The following CRYBG1 variants were observed in gnomAD, a reference collection of about 807,000 sequenced individuals.
CRYBG1 encodes crystallin beta-gamma domain containing 1.
A neutral mutation model predicts 189.2 loss-of-function variants in CRYBG1; 139 were observed. The ratio of observed to expected loss-of-function variants is 0.73; its 90% confidence interval spans 0.64 to 0.85. The LOEUF is 0.85. Among genes scored for constraint, CRYBG1 ranks in the 40% least tolerant of loss-of-function variants. The probability of loss-of-function intolerance (pLI) is 0.00; values close to 1 mark genes in which losing one functional copy is unlikely to be tolerated. For missense variants in CRYBG1, 2,611 were observed against 2,675.8 expected (o/e 0.98, Z 0.53); for synonymous variants, 1,023 against 1,017.1 (o/e 1.01, Z -0.11).
chr6:106,479,644 T>A (rs530052025), intron 2 of CRYBG1, among the ~76,000 whole-genome samples: 1 of 152,254 alleles, frequency 6.6e-6, no homozygotes, highest in Non-Finnish European at 1.5e-5. Flanking sequence ...TATCTCATTG[T>A]GGTTTTGATT....
intron 1 of CRYBG1, among the ~76,000 whole-genome samples, chr6:106,432,342 A>C (rs1771341316): frequency 6.6e-6 from 1 of 152,234 alleles, no homozygotes; most frequent in Non-Finnish European, 1.5e-5. Context: ...CAATACAATA[A>C]GATTATATAG....
intron 6 of CRYBG1, 52 bp downstream of exon 6, chr6:106,525,438 T>C (rs710096): frequency 0.085 from 121,509 of 1,427,356 alleles, 7,674 homozygotes; most frequent in African/African-American, 0.31. Context: ...TTTTACATAC[T>C]TAATTAACTT....
Position 106,519,074 on chromosome 6 carries a change from T to C in CRYBG1, c.1923-57T>C, listed in dbSNP as rs1394208173. The C allele has an allele frequency of 3.9e-6, 6 of 1,524,018 alleles. No individual in the cohort carries two copies. In the African/African-American group the frequency reaches 8.3e-5, roughly 21 times the overall value. 94.4% of individuals were successfully genotyped at this position (1,524,018 alleles called of 1,614,324 possible). On this transcript the variant is annotated intron_variant, in intron 3 of 21. Transcript: ENST00000633556. ...CATAGTTTTATAATTAATTGGTTTG[T>C]GTGTTCACTTTTTAAAACTAGGTCA...
Position 106,470,567 on chromosome 6 carries a change from A to C in CRYBG1, c.312+18735A>C, listed in dbSNP as rs143089868. ...AGCCTGGGTGACAGAGCAAGGCTTC[A>C]TCTCAAAAAAAAAATTATATATATA... On this transcript the variant is annotated intron_variant, in intron 2 of 21. Transcript: ENST00000633556. Among the ~76,000 whole-genome samples, 8 of 152,158 alleles carry C rather than the reference A, an allele frequency of 5.3e-5. No homozygotes were observed. In the East Asian group the frequency reaches 1.5e-3, roughly 29 times the overall value.
chr6:106,378,929 C>A (rs1254580615), intron 1 of CRYBG1, among the ~76,000 whole-genome samples: 1 of 152,056 alleles, frequency 6.6e-6, no homozygotes, highest in Non-Finnish European at 1.5e-5. Flanking sequence ...GTGGGTGGAT[C>A]ACCTGAGGTG....
intron 2 of CRYBG1, among the ~76,000 whole-genome samples, chr6:106,506,446 C>CTT (rs67154803): frequency 0.016 from 1,101 of 69,970 alleles, 14 homozygotes; most frequent in East Asian, 0.03. Flanking sequence ...TTTCTTGTCA[C>CTT]TTTTTTTTTT....
rs1450168576 is a variant in CRYBG1 at position 106,520,191 on chromosome 6, G to A, written c.2983G>A (p.Glu995Lys). The change falls in exon 4 of 22, where the codon GAA becomes AAA. Residue 995 changes from glutamate to lysine, a missense_variant. Physicochemically the swap from Glu to Lys is moderately conservative, Grantham distance 56. Transcript: ENST00000633556. The stretch of plus-strand genomic sequence containing the variant: ...GCCAACTTGTCACAGTAATGAACCT[G>A]AAGTGGTTTCCGTTGCAAGTTGTGC... ...QLPTCHSNEP[E>K]VVSVASCAPP... 6.2e-7 allele frequency: 1 copy of A among 1,614,116 alleles called. No homozygotes were observed. Among genetic ancestry groups the A allele is most frequent in the African/African-American group, 1.3e-5 (1 of 75,004 alleles).
In CRYBG1 at chr6:106,525,367, A is replaced by C. The variant is rs750346804; in HGVS notation, c.4393A>C (p.Ile1465Leu). ...TTGGAGCCTCTCTCCAGTGATACTC[A>C]TAAAAGTTGTTAGAGGATGGTAAGA... ...SSWSLSPVIL[I>L]KVVRGCWILY... Residue 1465 changes from isoleucine to leucine, a missense_variant, in exon 6 of 22, where the codon ATA becomes CTA. This residue lies in a region of CRYBG1 where 1,622 missense variants were observed against 1,735.0 expected (regional missense o/e 0.93). Transcript: ENST00000633556. The C allele has an allele frequency of 2.5e-6, 4 of 1,614,028 alleles. No homozygotes were observed. In the South Asian group the frequency reaches 4.4e-5, roughly 18 times the overall value.
chr6:106,406,639 A>C (rs992259402), intron 1 of CRYBG1, among the ~76,000 whole-genome samples: 4 of 152,234 alleles, frequency 2.6e-5, no homozygotes, highest in African/African-American at 4.8e-5. Flanking sequence ...GCCAGAGAGA[A>C]AGGTCGGGTT....
intron 1 of CRYBG1, among the ~76,000 whole-genome samples, chr6:106,448,986 A>G (rs1771723946): frequency 6.6e-6 from 1 of 152,186 alleles, no homozygotes; most frequent in African/African-American, 2.4e-5. Flanking sequence ...AAAGGAATAC[A>G]CTAGTTAAAC....
chr6:106,449,573 C>T (rs1771737770), intron 1 of CRYBG1: 3 of 152,326 alleles, frequency 2.0e-5, no homozygotes, highest in East Asian at 1.9e-4. Flanking sequence ...AAGGTGAACA[C>T]TAACTTAGGG....
chr6:106,552,858 T>C (rs1226379446), intron 15 of CRYBG1, among the ~76,000 whole-genome samples: 1 of 152,162 alleles, frequency 6.6e-6, no homozygotes, highest in Non-Finnish European at 1.5e-5. Context: ...GATGGTAAAA[T>C]GAATTTTCAT....
chr6:106,501,304 C>A (rs1204674813), intron 2 of CRYBG1, among the ~76,000 whole-genome samples: 1 of 152,072 alleles, frequency 6.6e-6, no homozygotes, highest in African/African-American at 2.4e-5. Context: ...ATCCTCCATA[C>A]CTTATGAGCT....
At chr6:106,563,998 AC>A in intron 21 of CRYBG1, 72 bp downstream of exon 21, 2 of 1,461,962 alleles carry the variant, frequency 1.4e-6, no homozygotes, top group Non-Finnish European at 1.9e-6. Context: ...TCTATTCATA[AC>A]TTTTGAAAAT....
intron 1 of CRYBG1, among the ~76,000 whole-genome samples, chr6:106,370,705 G>C (rs1353486870): frequency 1.3e-5 from 2 of 152,126 alleles, no homozygotes; most frequent in South Asian, 4.2e-4. Context: ...GGAGGAAGCA[G>C]GACTAAAACT....
chr6:106,554,021 G>A (rs1774471982), intron 16 of CRYBG1, among the ~76,000 whole-genome samples: 1 of 152,150 alleles, frequency 6.6e-6, no homozygotes, highest in Admixed American at 6.5e-5. Context: ...GCAAAGCTGA[G>A]CACACTGAGT....
chr6:106,387,292 G>A (rs1770409812), intron 1 of CRYBG1, among the ~76,000 whole-genome samples: 1 of 144,100 alleles, frequency 6.9e-6, no homozygotes. Context: ...ACTCTGAATG[G>A]AAAAAAATTT....
intron 2 of CRYBG1, among the ~76,000 whole-genome samples, chr6:106,452,775 T>A (rs1336348422): frequency 1.3e-5 from 2 of 152,240 alleles, no homozygotes; most frequent in Admixed American, 6.5e-5. Flanking sequence ...TCATGTTAAC[T>A]GCATTCCTTC....
intron 3 of CRYBG1, among the ~76,000 whole-genome samples, chr6:106,515,062 A>G: frequency 6.6e-6 from 1 of 152,210 alleles, no homozygotes; most frequent in East Asian, 1.9e-4. Context: ...AAGAAAAACT[A>G]TTTCGTATTT....
Sources: allele counts gnomAD v4.1 joint callset (sites outside exome capture counted in the v4.1 genomes callset), GRCh38; gene constraint gnomAD v4.1.1; regional missense constraint gnomAD v4.1.1; transcripts MANE v1.5; gene names NCBI Gene and HGNC (gene_info 2026-07-23, HGNC 2026-07-21).